SHISA9: variants seen among roughly 807,000 people sequenced by gnomAD.
SHISA9 encodes shisa family member 9.
A neutral mutation model predicts 38.0 loss-of-function variants in SHISA9; 13 were observed. The ratio of observed to expected loss-of-function variants is 0.34; its 90% confidence interval spans 0.22 to 0.54. SHISA9 has a LOEUF of 0.54. SHISA9 is among the 20% of genes least tolerant of loss of function. The pLI is 0.91. For missense variants in SHISA9, 538 were observed against 575.8 expected, an observed-to-expected ratio of 0.93 and a Z score of 0.67; for synonymous variants, 275 against 242.0, an observed-to-expected ratio of 1.14 and a Z score of -1.27.
Position 13,236,278 on chromosome 16 carries a change from C to T in SHISA9, c.*869C>T, listed in dbSNP as rs913039872. 1.4e-5 allele frequency: 2 copies of T among 145,498 alleles called. No individual in the cohort carries two copies. The highest frequency in any genetic ancestry group is 7.0e-5 in the Admixed American group (1 of 14,218). The allele number at this position is 145,498 out of a possible 1,614,324, so 9.0% of individuals were successfully genotyped here. On this transcript the variant is annotated 3_prime_UTR_variant, in exon 5 of 5. Coordinates refer to ENST00000558583, the MANE Select transcript of SHISA9 (RefSeq NM_001145204.3). ...ATTAAAATGTAAGCCCACTACAAAA[C>T]AGATAAAAACGGCAAATTAGGTGTT...
intron 2 of SHISA9, among the ~76,000 whole-genome samples, chr16:12,917,081 T>C (rs1436067356): frequency 6.6e-6 from 1 of 152,234 alleles, no homozygotes; most frequent in Non-Finnish European, 1.5e-5. Context: ...TTCATCTTGA[T>C]TGATTTATTA....
the SHISA9 span, among the ~76,000 whole-genome samples, chr16:13,411,907 C>G: frequency 6.6e-6 from 1 of 152,176 alleles, no homozygotes; most frequent in Admixed American, 6.5e-5. Flanking sequence ...AGGTCCATCA[C>G]AGCATCCAAA....
intron 1 of SHISA9, among the ~76,000 whole-genome samples, chr16:12,903,623 G>A (rs980973994): frequency 6.6e-6 from 1 of 152,216 alleles, no homozygotes; most frequent in African/African-American, 2.4e-5. Flanking sequence ...GGGAGAGGCT[G>A]GGGGTTGGCG....
At chr16:12,975,316 A>T (rs2072142943) in intron 2 of SHISA9, among the ~76,000 whole-genome samples, 1 of 152,076 alleles carries the variant, frequency 6.6e-6, no homozygotes, top group Non-Finnish European at 1.5e-5. Flanking sequence ...CATCCTGGCC[A>T]ACATGGTGAA....
the SHISA9 span, among the ~76,000 whole-genome samples, chr16:13,481,812 CT>C: frequency 6.6e-6 from 1 of 152,212 alleles, no homozygotes. Flanking sequence ...TGGAAGCTAT[CT>C]TTCCCCCAAA....
chr16:13,168,828 C>T (rs1216883780), intron 2 of SHISA9, among the ~76,000 whole-genome samples: 1 of 152,234 alleles, frequency 6.6e-6, no homozygotes, highest in Non-Finnish European at 1.5e-5. Flanking sequence ...AGTCACTTCA[C>T]CTGTCTCAGC....
the SHISA9 span, among the ~76,000 whole-genome samples, chr16:13,255,159 C>T: frequency 1.3e-5 from 2 of 152,144 alleles, no homozygotes; most frequent in Admixed American, 6.5e-5. Context: ...CTCTCTCTTG[C>T]TATGGTTCTA....
chr16:13,099,973 G>A (rs185282205), intron 2 of SHISA9, among the ~76,000 whole-genome samples: 94 of 152,298 alleles, frequency 6.2e-4, no homozygotes, highest in Non-Finnish European at 7.5e-4. Flanking sequence ...CAGGCATCAA[G>A]AATCCAGACA....
chr16:13,318,072 G>A, the SHISA9 span, among the ~76,000 whole-genome samples: 1 of 150,786 alleles, frequency 6.6e-6, no homozygotes, highest in Non-Finnish European at 1.5e-5. Context: ...CTATATGCAA[G>A]GAGATAAGGT....
intron 2 of SHISA9, among the ~76,000 whole-genome samples, chr16:13,000,063 T>C (rs955385522): frequency 1.1e-4 from 16 of 152,244 alleles, no homozygotes; most frequent in African/African-American, 3.6e-4. Flanking sequence ...TCTATCACTA[T>C]AAGTCTTTTT....
At chr16:13,193,657 T>C (rs1019698273) in intron 2 of SHISA9, among the ~76,000 whole-genome samples, 1 of 152,174 alleles carries the variant, frequency 6.6e-6, no homozygotes, top group Non-Finnish European at 1.5e-5. Flanking sequence ...ATTTGGCCTT[T>C]CTGAGCACAT....
chr16:13,357,007 GAGA>G, the SHISA9 span, among the ~76,000 whole-genome samples: 27 of 152,276 alleles, frequency 1.8e-4, no homozygotes, highest in East Asian at 5.8e-4. Flanking sequence ...CAGGCTAAGG[GAGA>G]AGAAGGAGGA....
chr16:13,227,460 C>CT (rs1406642539), intron 4 of SHISA9, among the ~76,000 whole-genome samples: 4 of 152,114 alleles, frequency 2.6e-5, no homozygotes, highest in African/African-American at 7.2e-5. Flanking sequence ...GCATAAGTGG[C>CT]TAAGGAGTGA....
intron 2 of SHISA9, among the ~76,000 whole-genome samples, chr16:13,183,438 T>G (rs1004578812): frequency 6.6e-6 from 1 of 152,266 alleles, no homozygotes; most frequent in African/African-American, 2.4e-5. Flanking sequence ...CTCTTCCCAA[T>G]GTACTTTCTG....
chr16:13,557,438 G>A, the SHISA9 span, among the ~76,000 whole-genome samples: 1 of 152,290 alleles, frequency 6.6e-6, no homozygotes, highest in Admixed American at 6.5e-5. Flanking sequence ...GTGAATAACA[G>A]GACATTTGAG....
At chr16:12,995,887 G>A (rs951068420) in intron 2 of SHISA9, among the ~76,000 whole-genome samples, 2 of 152,040 alleles carry the variant, frequency 1.3e-5, no homozygotes, top group Non-Finnish European at 1.5e-5. Flanking sequence ...TGGTCACTCC[G>A]GCACATCATT....
chr16:13,352,585 A>T, the SHISA9 span, among the ~76,000 whole-genome samples: 2 of 152,140 alleles, frequency 1.3e-5, no homozygotes, highest in East Asian at 3.9e-4. Context: ...CAGTATTTTC[A>T]TGCGCGTCCG....
intron 2 of SHISA9, among the ~76,000 whole-genome samples, chr16:12,948,372 A>C (rs1246075215): frequency 3.3e-5 from 5 of 152,248 alleles, no homozygotes; most frequent in African/African-American, 4.8e-5. Flanking sequence ...TGGAAAATAC[A>C]GAATGGTAGA....
intron 2 of SHISA9, among the ~76,000 whole-genome samples, chr16:13,056,783 A>G (rs1417223543): frequency 6.6e-6 from 1 of 152,236 alleles, no homozygotes; most frequent in Non-Finnish European, 1.5e-5. Flanking sequence ...CACAGCAGTC[A>G]GTGAGTGCTA....
Sources: gnomAD v4.1 joint callset for allele counts (sites outside exome capture counted in the v4.1 genomes callset) on GRCh38, gnomAD v4.1.1 for gene constraint, MANE v1.5 for transcripts, NCBI Gene and HGNC (gene_info 2026-07-23, HGNC 2026-07-21) for gene names.